PLAC1: variants seen among roughly 807,000 people sequenced by gnomAD.
The protein encoded by PLAC1 is placenta-specific protein 1.
For synonymous variants in PLAC1, 68 were observed against 62.1 expected (o/e 1.09, Z -0.44); for missense variants, 136 against 163.2 (o/e 0.83, Z 0.91).
At chrX:134,724,961 C>T (rs2078669577) in intron 2 of PLAC1, among the ~76,000 whole-genome samples, 1 of 109,014 alleles carries the variant, frequency 9.2e-6, no homozygotes, top group Non-Finnish European at 1.9e-5. Flanking sequence ...GTGATCGTGC[C>T]ACTGCATTCC....
At chrX:134,616,444 G>A (rs1247551696) in intron 1 of PLAC1, among the ~76,000 whole-genome samples, 6 of 111,115 alleles carry the variant, frequency 5.4e-5, no homozygotes, top group African/African-American at 2.0e-4. Context: ...AGACCATCCT[G>A]GCTAACATGG....
chrX:134,709,493 G>A (rs906926183), intron 2 of PLAC1, among the ~76,000 whole-genome samples: 1 of 111,583 alleles, frequency 9.0e-6, no homozygotes, highest in African/African-American at 3.3e-5. Flanking sequence ...GGGTGTGGTG[G>A]CGTGCACCTG....
intron 2 of PLAC1, among the ~76,000 whole-genome samples, chrX:134,677,513 C>T (rs2078479416): frequency 1.8e-5 from 2 of 111,093 alleles, no homozygotes; most frequent in East Asian, 2.8e-4. Flanking sequence ...AGGTGACAGC[C>T]GCTGGAAAAA....
chrX:134,603,863 T>TA (rs1302435043), intron 1 of PLAC1, among the ~76,000 whole-genome samples: 1 of 111,977 alleles, frequency 8.9e-6, no homozygotes, highest in Non-Finnish European at 1.9e-5. Context: ...ATTATAAAAT[T>TA]AGATTACTTA....
At chrX:134,652,451 G>A (rs1352854894) in intron 1 of PLAC1, among the ~76,000 whole-genome samples, 1 of 112,077 alleles carries the variant, frequency 8.9e-6, no homozygotes, top group African/African-American at 3.2e-5. Flanking sequence ...TGGTGCAGCT[G>A]GCCCTTGGTC....
chrX:134,731,840 T>A (rs2078689725), intron 2 of PLAC1, among the ~76,000 whole-genome samples: 1 of 111,890 alleles, frequency 8.9e-6, no homozygotes, highest in Non-Finnish European at 1.9e-5. Context: ...TTTGCCTCCT[T>A]GAGACACCTG....
At chrX:134,568,313 T>C (rs1414407089) in intron 2 of PLAC1, among the ~76,000 whole-genome samples, 7 of 112,961 alleles carry the variant, frequency 6.2e-5, no homozygotes, top group Non-Finnish European at 1.3e-4. Context: ...CCAAAAAACG[T>C]CCCAAGACAT....
chrX:134,763,327 ACTAGAAG>A (rs897039856), intron 1 of PLAC1, among the ~76,000 whole-genome samples: 1 of 112,130 alleles, frequency 8.9e-6, no homozygotes, highest in African/African-American at 3.2e-5. Flanking sequence ...AGTGATCCAG[ACTAGAAG>A]CTCCTTTCTC....
chrX:134,653,298 C>A (rs1164727518), intron 1 of PLAC1, among the ~76,000 whole-genome samples: 4 of 112,297 alleles, frequency 3.6e-5, no homozygotes, highest in Non-Finnish European at 7.5e-5. Context: ...TGCTCACCCT[C>A]CAGGCTTACA....
intron 2 of PLAC1, among the ~76,000 whole-genome samples, chrX:134,690,979 T>A (rs1471441874): frequency 2.9e-3 from 21 of 7,290 alleles, no homozygotes; most frequent in East Asian, 0.024. Context: ...AAAAAAAATA[T>A]ATATATATAT....
chrX:134,603,339 T>C (rs2078106621), intron 1 of PLAC1, among the ~76,000 whole-genome samples: 1 of 47,827 alleles, frequency 2.1e-5, no homozygotes, highest in Non-Finnish European at 3.8e-5. Flanking sequence ...TTTTTTTTTT[T>C]TTTTTTTTTC....
intron 2 of PLAC1, among the ~76,000 whole-genome samples, chrX:134,715,341 G>T (rs923830806): frequency 1.8e-5 from 2 of 110,864 alleles, no homozygotes; most frequent in African/African-American, 3.3e-5. Flanking sequence ...TTCTGATTTG[G>T]GGTTGGGTTG....
At chrX:134,597,205 A>G (rs1011815186) in intron 2 of PLAC1, among the ~76,000 whole-genome samples, 1 of 111,457 alleles carries the variant, frequency 9.0e-6, no homozygotes, top group Non-Finnish European at 1.9e-5. Context: ...TGCTCTCTGC[A>G]TAATTTCTGT....
intron 2 of PLAC1, among the ~76,000 whole-genome samples, chrX:134,572,949 A>C (rs1399748848): frequency 8.9e-6 from 1 of 111,772 alleles, no homozygotes; most frequent in Non-Finnish European, 1.9e-5. Context: ...GTCATGGTTC[A>C]TCTCATACAC....
intron 2 of PLAC1, among the ~76,000 whole-genome samples, chrX:134,681,871 TCTC>T (rs2078497830): frequency 8.9e-6 from 1 of 112,089 alleles, no homozygotes; most frequent in African/African-American, 3.2e-5. Context: ...CTCAGTTCCT[TCTC>T]CTTGTTGTGT....
At chrX:134,734,460 C>A (rs1258087798) in intron 1 of PLAC1, among the ~76,000 whole-genome samples, 1 of 112,618 alleles carries the variant, frequency 8.9e-6, no homozygotes, top group Non-Finnish European at 1.9e-5. Context: ...CCACTCCACA[C>A]CTGCAGAGAG....
chrX:134,584,300 C>T (rs959672657), intron 2 of PLAC1, among the ~76,000 whole-genome samples: 6 of 111,952 alleles, frequency 5.4e-5, no homozygotes, highest in African/African-American at 1.9e-4. Context: ...AAATGCTGAT[C>T]GCAGGCAGCC....
chrX:134,719,616 C>A (rs2147837639), intron 2 of PLAC1, among the ~76,000 whole-genome samples: 1 of 110,874 alleles, frequency 9.0e-6, no homozygotes, highest in African/African-American at 3.3e-5. Flanking sequence ...ATGGCGAAAC[C>A]CCATCTCTAC....
At chrX:134,704,656 A>G (rs985447890) in intron 2 of PLAC1, among the ~76,000 whole-genome samples, 16 of 105,491 alleles carry the variant, frequency 1.5e-4, no homozygotes, top group African/African-American at 5.5e-4. Context: ...TATAATATTT[A>G]TATATTATAT....
Sources: gnomAD v4.1 joint callset for allele counts (sites outside exome capture counted in the v4.1 genomes callset) on GRCh38, gnomAD v4.1.1 for gene constraint, MANE v1.5 for transcripts, NCBI Gene and HGNC (gene_info 2026-07-23, HGNC 2026-07-21) for gene names.